The following RNF149 variants were observed in gnomAD, a reference collection of about 807,000 sequenced individuals.
RNF149 encodes ring finger protein 149.
Under a neutral mutation model 39.0 loss-of-function variants are expected in RNF149, and 21 were observed. The observed-to-expected ratio is 0.54, with a 90% CI of 0.38 to 0.77. RNF149 has a LOEUF of 0.77. Among genes scored for constraint, RNF149 ranks in the 30% least tolerant of loss-of-function variants. The pLI is 0.00. For synonymous variants in RNF149, 209 were observed against 213.6 expected, an observed-to-expected ratio of 0.98 and a Z score of 0.19; for missense variants, 493 against 534.9, an observed-to-expected ratio of 0.92 and a Z score of 0.77.
intron 4 of RNF149, among the ~76,000 whole-genome samples, chr2:101,286,835 T>C (rs1451970882): frequency 1.3e-5 from 2 of 152,236 alleles, no homozygotes; most frequent in African/African-American, 2.4e-5. Context: ...TGGACTCAGA[T>C]ACGAGCTCTG....
Position 101,277,186 on chromosome 2 carries a change from T to C in RNF149, c.*52A>G. ...GTGCTAAAGTAAAAAAAATAAAATGTCCTTTAGTTCAAGCCAAACTTCTGT... is the reference window on the plus strand; with the variant it reads ...GTGCTAAAGTAAAAAAAATAAAATGCCCTTTAGTTCAAGCCAAACTTCTGT... On this transcript the variant is annotated 3_prime_UTR_variant, in exon 7 of 7. Coordinates refer to ENST00000295317, the MANE Select transcript of RNF149 (RefSeq NM_173647.4). The C allele has an allele frequency of 6.2e-7, 1 of 1,605,106 alleles. No individual in the cohort carries two copies. Among genetic ancestry groups the C allele is most frequent in the Non-Finnish European group, 8.5e-7 (1 of 1,174,834 alleles).
At chr2:101,304,067 T>C (rs2104438475) in intron 1 of RNF149, among the ~76,000 whole-genome samples, 1 of 152,348 alleles carries the variant, frequency 6.6e-6, no homozygotes, top group East Asian at 1.9e-4. Context: ...TCCACCTACC[T>C]TGGTCAAGCT....
At position 101,295,148 on chromosome 2, in the gene RNF149, T is replaced by C. The variant is rs1371455975; in HGVS notation, c.494A>G (p.Tyr165Cys). The C allele has an allele frequency of 2.5e-6, 4 of 1,613,504 alleles. No individual in the cohort carries two copies. In the Admixed American group the frequency reaches 5.0e-5, roughly 20 times the overall value. ...CTCCAAAATTTCTCTTCCTTTTGGATAGCTAATCATAATGACCACTATATT... is the reference window on the plus strand; with the variant it reads ...CTCCAAAATTTCTCTTCCTTTTGGACAGCTAATCATAATGACCACTATATT... ...TGNIVVIMIS[Y>C]PKGREILELV... Residue 165 changes from tyrosine to cysteine, a missense_variant, in exon 2 of 7, where the codon TAT becomes TGT. Coordinates refer to ENST00000295317, the MANE Select transcript of RNF149 (RefSeq NM_173647.4).
At chr2:101,291,837 AT>A in intron 3 of RNF149, among the ~76,000 whole-genome samples, 1 of 152,196 alleles carries the variant, frequency 6.6e-6, no homozygotes, top group East Asian at 1.9e-4. Flanking sequence ...AAGAAAACAC[AT>A]TTTTTTGTAC....
At position 101,277,267 on chromosome 2, in the gene RNF149, C is replaced by A; in HGVS notation, c.1174G>T (p.Asp392Tyr). Residue 392 changes from aspartate (D) to tyrosine (Y), a missense_variant, in exon 7 of 7, where the codon GAC becomes TAC. Asp to Tyr is a radical substitution (Grantham distance 160). Transcript: ENST00000295317. ...GAGATGGGTCCTCCATGCCGAGAGT[C>A]ACTCCTGCCGGCTTCTGCAAGAGAG... is the stretch of plus-strand genomic sequence containing the variant. ...NTALLEAGRS[D>Y]SRHGGPIS 6.2e-7 allele frequency: 1 copy of A among 1,613,360 alleles called. No homozygotes were observed. The highest frequency in any genetic ancestry group is 1.1e-5 in the South Asian group (1 of 90,912).
chr2:101,282,674 T>G (rs766385889), intron 5 of RNF149, among the ~76,000 whole-genome samples: 2 of 152,138 alleles, frequency 1.3e-5, no homozygotes, highest in African/African-American at 2.4e-5. Context: ...AAACTTTATT[T>G]GATTAATACC....
intron 3 of RNF149, among the ~76,000 whole-genome samples, chr2:101,290,205 T>G (rs1238663328): frequency 5.3e-5 from 8 of 152,148 alleles, no homozygotes; most frequent in Admixed American, 5.2e-4. Flanking sequence ...AAAGGAACTT[T>G]CAACAACATT....
chr2:101,281,489 CTTT>C (rs752092873), intron 6 of RNF149: 11 of 136,614 alleles, frequency 8.1e-5, no homozygotes, highest in South Asian at 4.2e-4. Context: ...AATAAAATTC[CTTT>C]TTTTTTTTTT....
At chr2:101,298,987 T>C (rs1683347041) in intron 1 of RNF149, among the ~76,000 whole-genome samples, 1 of 152,150 alleles carries the variant, frequency 6.6e-6, no homozygotes, top group Admixed American at 6.5e-5. Context: ...CCGTCTCTAC[T>C]AATATTACAC....
At chr2:101,277,979 C>T (rs1378742473) in intron 6 of RNF149, among the ~76,000 whole-genome samples, 2 of 152,030 alleles carry the variant, frequency 1.3e-5, no homozygotes, top group African/African-American at 4.8e-5. Context: ...ATGTCACCAG[C>T]CCCGGTTTAT....
intron 1 of RNF149, among the ~76,000 whole-genome samples, chr2:101,301,266 A>G (rs1374027481): frequency 6.6e-6 from 1 of 152,142 alleles, no homozygotes; most frequent in African/African-American, 2.4e-5. Context: ...ACTTAGCACA[A>G]TATCTTTGCA....
chr2:101,303,076 G>A (rs905898640), intron 1 of RNF149, among the ~76,000 whole-genome samples: 4 of 151,746 alleles, frequency 2.6e-5, no homozygotes, highest in African/African-American at 7.3e-5. Context: ...CCCTCTGTGA[G>A]GCTATGAGGT....
intron 1 of RNF149, among the ~76,000 whole-genome samples, chr2:101,302,992 A>C (rs1683513126): frequency 2.0e-5 from 3 of 151,808 alleles, no homozygotes; most frequent in East Asian, 1.9e-4. Flanking sequence ...AAAAAAAAAA[A>C]AAAAACAAAA....
In RNF149 at chr2:101,308,448, C is replaced by A. The variant is rs766798769; in HGVS notation, c.141G>T (p.Val47=). 12 of 1,611,626 alleles carry A rather than the reference C, an allele frequency of 7.4e-6. No individual in the cohort carries two copies. Among genetic ancestry groups the A allele is most frequent in the Non-Finnish European group, 8.5e-7 (1 of 1,179,390 alleles). ...WFSAVVNIEY[V]DPQTNLTVWS... is the part of the protein sequence containing the mutation. Reference sequence around the variant, plus strand: ...ACACCGTCAGGTTGGTCTGCGGGTCCACGTACTCGATGTTTACCACGGCCG... The same window carrying A: ...ACACCGTCAGGTTGGTCTGCGGGTCAACGTACTCGATGTTTACCACGGCCG... Residue 47 remains valine (V), a synonymous_variant, in exon 1 of 7, where the codon GTG becomes GTT. Coordinates refer to ENST00000295317, the MANE Select transcript of RNF149 (RefSeq NM_173647.4).
At chr2:101,297,985 C>T (rs1019535259) in intron 1 of RNF149, among the ~76,000 whole-genome samples, 23 of 152,224 alleles carry the variant, frequency 1.5e-4, no homozygotes, top group African/African-American at 5.5e-4. Context: ...AGCACTCTCG[C>T]ACACTGCTGG....
rs781326087 is a variant in RNF149, at chr2:101,298,158, C to T, written c.461-2977G>A. 7.2e-5 allele frequency among the ~76,000 whole-genome samples: 11 copies of T among 152,172 alleles called. 1 individual carries two copies. Among genetic ancestry groups the T allele is most frequent in the South Asian group, 4.1e-4 (2 of 4,830 alleles). ...ATAAAGATTTACTGTTGGCCAGGCA[C>T]GGTGGCTCACACCTGTAATCCCAAC... On this transcript the variant is annotated intron_variant, in intron 1 of 6. Coordinates refer to ENST00000295317, the MANE Select transcript of RNF149 (RefSeq NM_173647.4).
At chr2:101,292,635 A>G (rs1424749435) in intron 3 of RNF149, among the ~76,000 whole-genome samples, 2 of 152,138 alleles carry the variant, frequency 1.3e-5, no homozygotes, top group Admixed American at 6.5e-5. Flanking sequence ...GCGTGGTGGC[A>G]GGCGCCTGTA....
At chr2:101,305,642 A>G (rs530849982) in intron 1 of RNF149, among the ~76,000 whole-genome samples, 1 of 152,246 alleles carries the variant, frequency 6.6e-6, no homozygotes, top group East Asian at 1.9e-4. Flanking sequence ...CAGCTAAGAT[A>G]TCCTAAATGC....
intron 4 of RNF149, chr2:101,286,406 G>A (rs769431448): frequency 1.2e-4 from 46 of 387,956 alleles, no homozygotes; most frequent in African/African-American, 8.1e-4. Context: ...GCTTATTTAT[G>A]CTCTCACGCT....
Sources: allele counts gnomAD v4.1 joint callset (sites outside exome capture counted in the v4.1 genomes callset), GRCh38; gene constraint gnomAD v4.1.1; transcripts MANE v1.5; gene names NCBI Gene and HGNC (gene_info 2026-07-23, HGNC 2026-07-21).